The following BCAP29 variants were observed in gnomAD, a reference collection of about 807,000 sequenced individuals.
BCAP29 encodes the protein B cell receptor associated protein 29.
Under a neutral mutation model 31.8 loss-of-function variants are expected in BCAP29, and 34 were observed. The observed-to-expected ratio is 1.07, with a 90% CI of 0.81 to 1.42. The LOEUF is 1.42. BCAP29 is among the 40% of genes most tolerant of loss of function. BCAP29 has a pLI of 0.00. For missense variants in BCAP29, 314 were observed against 269.2 expected, an observed-to-expected ratio of 1.17 and a Z score of -1.16; for synonymous variants, 104 against 91.3, an observed-to-expected ratio of 1.14 and a Z score of -0.79.
intron 3 of BCAP29, 123 bp from the exon 4 acceptor site, chr7:107,593,832 G>C: frequency 1.1e-6 from 1 of 906,862 alleles, no homozygotes; most frequent in Non-Finnish European, 1.6e-6. Context: ...ATGACATAAA[G>C]GTCGCCTCTG....
At chr7:107,613,830 C>CA (rs1300595414) in intron 7 of BCAP29, 28 of 835,226 alleles carry the variant, frequency 3.4e-5, no homozygotes, top group Middle Eastern at 4.5e-4. Context: ...GTGTTTTAGA[C>CA]ATATTAGGAC....
chr7:107,611,779 T>C (rs1563140917), intron 6 of BCAP29, among the ~76,000 whole-genome samples: 1 of 152,242 alleles, frequency 6.6e-6, no homozygotes, highest in Non-Finnish European at 1.5e-5. Flanking sequence ...TTTAGAATTA[T>C]GCAGCTATAG....
At chr7:107,593,606 C>G (rs539005601) in intron 3 of BCAP29, among the ~76,000 whole-genome samples, 129 of 152,244 alleles carry the variant, frequency 8.5e-4, no homozygotes, top group African/African-American at 3.0e-3. Context: ...GATATGACAT[C>G]TGTCATTGTC....
Position 107,584,691 on chromosome 7 carries a change from C to T in BCAP29, c.193+709C>T, listed in dbSNP as rs143895005. Among the ~76,000 whole-genome samples the T allele has an allele frequency of 2.4e-3, 361 of 152,168 alleles. 2 individuals carry two copies. Among genetic ancestry groups the T allele is most frequent in the African/African-American group, 8.2e-3 (341 of 41,510 alleles). On this transcript the variant is annotated intron_variant, in intron 3 of 7. Transcript: ENST00000005259. The stretch of plus-strand genomic sequence containing the variant: ...TCCAGCCTGAGCAACAGAGCAAGAT[C>T]CTTCCTTAAAAAAACAAACAAACAA...
chr7:107,600,918 C>T (rs920116988), intron 6 of BCAP29, among the ~76,000 whole-genome samples: 1 of 152,120 alleles, frequency 6.6e-6, no homozygotes, highest in South Asian at 2.1e-4. Context: ...TATATTCTAC[C>T]TGTTAGACAT....
At chr7:107,589,625 A>G (rs917085240) in intron 3 of BCAP29, among the ~76,000 whole-genome samples, 18 of 152,360 alleles carry the variant, frequency 1.2e-4, no homozygotes, top group Non-Finnish European at 2.1e-4. Flanking sequence ...AATTCCTGAC[A>G]GGCCGTGGAG....
chr7:107,596,104 GA>G (rs1216528633), intron 5 of BCAP29, 102 bp downstream of exon 5: 1 of 995,808 alleles, frequency 1.0e-6, no homozygotes, highest in Non-Finnish European at 1.4e-6. Context: ...TTTATAAGCA[GA>G]AAATGACCAT....
At position 107,619,468 on chromosome 7, in the gene BCAP29, T is replaced by G. The variant is rs1024855849; in HGVS notation, c.*1105T>G. 6.6e-6 allele frequency: 1 copy of G among 152,134 alleles called. No individual in the cohort carries two copies. The highest frequency in any genetic ancestry group is 1.5e-5 in the Non-Finnish European group (1 of 67,980). The allele number at this position is 152,134 out of a possible 1,614,324, so 9.4% of individuals were successfully genotyped here. On this transcript the variant is annotated 3_prime_UTR_variant, in exon 8 of 8. Coordinates refer to ENST00000005259, the MANE Select transcript of BCAP29 (RefSeq NM_018844.4). ...AAAATACTGGAGTTTTTATTTCTCTTGTCTTTGTTACATCCTCTGTTTATT... is the reference window on the plus strand; with the variant it reads ...AAAATACTGGAGTTTTTATTTCTCTGGTCTTTGTTACATCCTCTGTTTATT...
intron 6 of BCAP29, among the ~76,000 whole-genome samples, chr7:107,603,992 T>C (rs897861361): frequency 1.3e-5 from 2 of 152,160 alleles, no homozygotes; most frequent in African/African-American, 4.8e-5. Flanking sequence ...CCTTAAAAAG[T>C]GTGCCTCTTG....
intron 5 of BCAP29, among the ~76,000 whole-genome samples, chr7:107,599,951 A>C (rs1280175001): frequency 6.6e-6 from 1 of 152,042 alleles, no homozygotes; most frequent in Non-Finnish European, 1.5e-5. Flanking sequence ...ACCCATCTCC[A>C]CTCTGACATA....
chr7:107,594,401 T>C (rs1045951046), intron 4 of BCAP29, among the ~76,000 whole-genome samples: 1 of 152,250 alleles, frequency 6.6e-6, no homozygotes, highest in Admixed American at 6.5e-5. Flanking sequence ...TTGCCCAGAC[T>C]GGTCTCAAAC....
At chr7:107,599,562 ATT>A (rs1810774206) in intron 5 of BCAP29, among the ~76,000 whole-genome samples, 1 of 148,454 alleles carries the variant, frequency 6.7e-6, no homozygotes, top group Admixed American at 6.8e-5. Context: ...CTGCCTCTTT[ATT>A]TAATCTATTG....
In BCAP29 at chr7:107,580,819, T is replaced by G. The variant is rs754294325; in HGVS notation, c.47T>G (p.Ile16Arg). 1.3e-6 allele frequency: 2 copies of G among 1,591,136 alleles called. No individual in the cohort carries two copies. The highest frequency in any genetic ancestry group is 8.5e-7 in the Non-Finnish European group (1 of 1,170,636). ...GTGGCAACCTTTCTTTATGCCGAAA[T>G]AGGACTCATTTTAATCTTCTGCCTA... is the stretch of plus-strand genomic sequence containing the variant. Reference protein sequence around the residue: ...AAVATFLYAEIGLILIFCLPF... With the variant: ...AAVATFLYAERGLILIFCLPF... Residue 16 changes from isoleucine to arginine, a missense_variant, in exon 2 of 8, where the codon ATA becomes AGA. By Grantham distance (97) the Ile-to-Arg change is moderately conservative. Transcript: ENST00000005259.
chr7:107,612,412 TATATATATATATA>T (rs1813327715), intron 6 of BCAP29, among the ~76,000 whole-genome samples: 3 of 118,248 alleles, frequency 2.5e-5, no homozygotes, highest in African/African-American at 1.0e-4. Context: ...TATATATATA[TATATATATATATA>T]TATATATATA....
intron 3 of BCAP29, among the ~76,000 whole-genome samples, chr7:107,590,630 C>A: frequency 6.6e-6 from 1 of 151,968 alleles, no homozygotes; most frequent in Non-Finnish European, 1.5e-5. Flanking sequence ...CCATCCTGGG[C>A]AACATGGCTA....
intron 7 of BCAP29, among the ~76,000 whole-genome samples, chr7:107,617,211 A>G (rs1266403294): frequency 6.6e-6 from 1 of 152,178 alleles, no homozygotes; most frequent in African/African-American, 2.4e-5. Flanking sequence ...GGTTCTTTGG[A>G]ACTAGCTTCC....
In BCAP29 at chr7:107,585,870, A is replaced by C. The variant is rs151108349; in HGVS notation, c.193+1888A>C. Among the ~76,000 whole-genome samples the C allele has an allele frequency of 2.0e-5, 3 of 152,238 alleles. No individual in the cohort carries two copies. The East Asian group carries it at 5.8e-4, about 29-fold the overall frequency. On this transcript the variant is annotated intron_variant, in intron 3 of 7. Coordinates refer to ENST00000005259, the MANE Select transcript of BCAP29 (RefSeq NM_018844.4). ...GCCGGGCATGGGGGCGCGTGCCTGT[A>C]ATCCCAGCTACTCAGGAAACTGAGG...
At chr7:107,583,718 A>G (rs1450806046) in intron 2 of BCAP29, among the ~76,000 whole-genome samples, 164 bp from the exon 3 acceptor site, 1 of 152,130 alleles carries the variant, frequency 6.6e-6, no homozygotes, top group Non-Finnish European at 1.5e-5. Flanking sequence ...TTGTTTTTTA[A>G]TTCATGAGAT....
rs1465865885 is a variant in BCAP29 at position 107,620,221 on chromosome 7, G to A, written c.*1858G>A. On this transcript the variant is annotated 3_prime_UTR_variant, in exon 8 of 8. Transcript: ENST00000005259. The stretch of plus-strand genomic sequence containing the variant: ...GGCAACATTGATAGTTAGATTCAGG[G>A]CCAGGCTGTAAGTCTAGAATTTAGA... 2 of 152,138 alleles carry A rather than the reference G, an allele frequency of 1.3e-5. No individual in the cohort carries two copies. The highest frequency in any genetic ancestry group is 4.8e-5 in the African/African-American group (2 of 41,424). 9.4% of individuals were successfully genotyped at this position (152,138 alleles called of 1,614,324 possible). A position where few individuals can be genotyped will look rare whatever the true frequency, so the allele number is the denominator to read the frequency against.
Sources: gnomAD v4.1 joint callset for allele counts (sites outside exome capture counted in the v4.1 genomes callset) on GRCh38, gnomAD v4.1.1 for gene constraint, MANE v1.5 for transcripts, NCBI Gene and HGNC (gene_info 2026-07-23, HGNC 2026-07-21) for gene names.